Variants in SLC4A4 observed in about 807,000 individuals in gnomAD.
SLC4A4 encodes solute carrier family 4 member 4.
In SLC4A4, 27 loss-of-function variants were observed where a neutral mutation model predicts 111.5. That is an observed-to-expected ratio of 0.24 (90% CI 0.18 to 0.33). The LOEUF (loss-of-function observed/expected upper bound fraction) is 0.33. Among genes scored for constraint, SLC4A4 ranks in the 10% least tolerant of loss-of-function variants. The pLI, the probability that SLC4A4 is intolerant of heterozygous loss-of-function variation, is 1.00. For synonymous variants in SLC4A4, 443 were observed against 463.4 expected (o/e 0.96, Z 0.57); for missense variants, 909 against 1,315.5 (o/e 0.69, Z 4.78).
At chr4:71,100,038 G>A (rs61151310) in intron 2 of SLC4A4, among the ~76,000 whole-genome samples, 2 of 152,250 alleles carry the variant, frequency 1.3e-5, no homozygotes, top group South Asian at 2.1e-4. Flanking sequence ...AGAAGGGCTG[G>A]TATCATTCCT....
At chr4:71,166,948 T>G (rs1744793137) in intron 2 of SLC4A4, among the ~76,000 whole-genome samples, 1 of 152,196 alleles carries the variant, frequency 6.6e-6, no homozygotes, top group African/African-American at 2.4e-5. Flanking sequence ...AGTAACTGGC[T>G]GATCTGAATA....
At chr4:71,180,103 G>C (rs1745239206) in intron 2 of SLC4A4, among the ~76,000 whole-genome samples, 1 of 152,176 alleles carries the variant, frequency 6.6e-6, no homozygotes, top group South Asian at 2.1e-4. Flanking sequence ...AATGGGGAAA[G>C]GATTCCCTAT....
chr4:71,381,446 A>C (rs1718134183), intron 6 of SLC4A4, among the ~76,000 whole-genome samples: 1 of 152,150 alleles, frequency 6.6e-6, no homozygotes, highest in Non-Finnish European at 1.5e-5. Context: ...TTATTATTAT[A>C]ATAATGACCA....
At chr4:71,312,302 C>G (rs1483016123) in intron 3 of SLC4A4, among the ~76,000 whole-genome samples, 2 of 152,048 alleles carry the variant, frequency 1.3e-5, no homozygotes, top group African/African-American at 2.4e-5. Context: ...CCAAAAAAAG[C>G]CCAGGACCTG....
At chr4:71,290,908 G>T (rs1220201938) in intron 3 of SLC4A4, among the ~76,000 whole-genome samples, 1 of 152,162 alleles carries the variant, frequency 6.6e-6, no homozygotes, top group Admixed American at 6.5e-5. Context: ...TAATGAATTA[G>T]CTTGGAGTAT....
intron 7 of SLC4A4, among the ~76,000 whole-genome samples, chr4:71,419,366 C>T (rs920081180): frequency 3.9e-5 from 6 of 152,366 alleles, no homozygotes; most frequent in Non-Finnish European, 5.9e-5. Context: ...AGCTTCCCTG[C>T]TGCTTTGTTT....
chr4:71,462,013 T>A (rs1385836352), intron 12 of SLC4A4, among the ~76,000 whole-genome samples: 2 of 152,204 alleles, frequency 1.3e-5, no homozygotes, highest in African/African-American at 2.4e-5. Flanking sequence ...GGCTTTTTTT[T>A]ACCTGTTTCT....
In SLC4A4 at chr4:71,253,405, A is replaced by T. The variant is rs377008145; in HGVS notation, c.74-1815A>T. On this transcript the variant is annotated intron_variant, in intron 2 of 25. Coordinates refer to ENST00000264485, the MANE Select transcript of SLC4A4 (RefSeq NM_001098484.3). ...ATAACATCATATGGCAATATAGCTT[A>T]ATTACCATTTTTTGCTTAGCCGCCA... Among the ~76,000 whole-genome samples, 21 of 152,294 alleles carry T rather than the reference A, an allele frequency of 1.4e-4. No homozygotes were observed. The South Asian group carries it at 4.1e-3, about 30-fold the overall frequency.
chr4:71,302,643 A>C (rs886413954), intron 3 of SLC4A4, among the ~76,000 whole-genome samples: 1 of 152,118 alleles, frequency 6.6e-6, no homozygotes, highest in African/African-American at 2.4e-5. Flanking sequence ...TCTGGAAGAG[A>C]GGCACTAGGT....
At chr4:71,113,624 T>C (rs1192464541) in intron 2 of SLC4A4, among the ~76,000 whole-genome samples, 1 of 152,112 alleles carries the variant, frequency 6.6e-6, no homozygotes, top group African/African-American at 2.4e-5. Context: ...TCATGCACTT[T>C]AATAGAGAAC....
In SLC4A4 at chr4:71,187,395, C is replaced by G. The variant is rs1745519668; in HGVS notation, c.-8C>G. The G allele has an allele frequency of 6.6e-6, 1 of 152,106 alleles. No homozygotes were observed. Among genetic ancestry groups the G allele is most frequent in the Non-Finnish European group, 1.5e-5 (1 of 68,022 alleles). The allele number at this position is 152,106 out of a possible 1,614,324, so 9.4% of individuals were successfully genotyped here. A position where few individuals can be genotyped will look rare whatever the true frequency, so the allele number is the denominator to read the frequency against. Reference sequence around the variant, plus strand: ...CTGGAGGAGCGACGGAAGCCAGACCCCAGGAGGTGAGCGCCCGGCCCCGGC... The same window carrying G: ...CTGGAGGAGCGACGGAAGCCAGACCGCAGGAGGTGAGCGCCCGGCCCCGGC... On this transcript the variant is annotated 5_prime_UTR_variant, in exon 1 of 26. Transcript: ENST00000264485.
chr4:71,090,932 A>G (rs1032150293), intron 1 of SLC4A4, among the ~76,000 whole-genome samples: 1 of 152,062 alleles, frequency 6.6e-6, no homozygotes, highest in African/African-American at 2.4e-5. Flanking sequence ...CATGTTGAGG[A>G]CATTTTTGTT....
rs535144592 is a variant in SLC4A4, at chr4:71,146,015, C to T, written c.-2+53223C>T. Among the ~76,000 whole-genome samples the T allele has an allele frequency of 3.2e-3, 492 of 152,160 alleles. 1 individual carries two copies. The highest frequency in any genetic ancestry group is 0.011 in the African/African-American group (471 of 41,500). On this transcript the variant is annotated intron_variant, in intron 2 of 26. Coordinates refer to the SLC4A4 transcript ENST00000649996. ...CTTTGGAATGTGTTTGCTCTTGCTTCTCTAGTTCTTTTAATTGTGATGTTA... is the reference window on the plus strand; with the variant it reads ...CTTTGGAATGTGTTTGCTCTTGCTTTTCTAGTTCTTTTAATTGTGATGTTA...
chr4:71,557,962 A>C, intron 22 of SLC4A4, 77 bp downstream of exon 22: 1 of 1,282,120 alleles, frequency 7.8e-7, no homozygotes, highest in Non-Finnish European at 1.1e-6. Flanking sequence ...GAAGACACAC[A>C]TGTCTTTTAT....
intron 3 of SLC4A4, among the ~76,000 whole-genome samples, chr4:71,268,883 T>C (rs1307420511): frequency 6.6e-6 from 1 of 152,214 alleles, no homozygotes; most frequent in Non-Finnish European, 1.5e-5. Flanking sequence ...TGTTGCAAAA[T>C]GTTTTATTTT....
chr4:71,164,275 A>G (rs573963298), intron 2 of SLC4A4, among the ~76,000 whole-genome samples: 2 of 151,944 alleles, frequency 1.3e-5, no homozygotes, highest in East Asian at 3.9e-4. Flanking sequence ...CAGCTACTCA[A>G]GAGAGTGAGA....
At position 71,493,175 on chromosome 4, in the gene SLC4A4, C is replaced by T. The variant is rs78850090; in HGVS notation, c.1975-4326C>T. Among the ~76,000 whole-genome samples the T allele has an allele frequency of 8.2e-3, 1,245 of 151,942 alleles. 18 individuals carry two copies. Among genetic ancestry groups the T allele is most frequent in the African/African-American group, 0.028 (1,171 of 41,494 alleles). ...CCAGATTTAGCAAACAAAAATAAAA[C>T]ATGCCCAGTTAAAGATGAATTTTAA... On this transcript the variant is annotated intron_variant, in intron 15 of 25. Coordinates refer to ENST00000264485, the MANE Select transcript of SLC4A4 (RefSeq NM_001098484.3).
chr4:71,261,756 A>G (rs1721869901), intron 3 of SLC4A4, among the ~76,000 whole-genome samples: 1 of 152,146 alleles, frequency 6.6e-6, no homozygotes, highest in Non-Finnish European at 1.5e-5. Context: ...TGGCTATTCT[A>G]TTCTAATAGT....
intron 3 of SLC4A4, among the ~76,000 whole-genome samples, chr4:71,286,333 TG>T (rs1382533889): frequency 6.6e-6 from 1 of 152,238 alleles, no homozygotes; most frequent in African/African-American, 2.4e-5. Flanking sequence ...AAGCACTCCA[TG>T]TGGATTCAGT....
Sources: gnomAD v4.1 joint callset for allele counts (sites outside exome capture counted in the v4.1 genomes callset) on GRCh38, gnomAD v4.1.1 for gene constraint, MANE v1.5 for transcripts, NCBI Gene and HGNC (gene_info 2026-07-23, HGNC 2026-07-21) for gene names.